The following ACKR2 variants were observed in gnomAD, a reference collection of about 807,000 sequenced individuals.
The protein encoded by ACKR2 is C-C chemokine receptor D6.
For missense variants in ACKR2, 457 were observed against 477.3 expected, an observed-to-expected ratio of 0.96 and a Z score of 0.40; for synonymous variants, 207 against 192.2, an observed-to-expected ratio of 1.08 and a Z score of -0.64.
intron 2 of ACKR2, among the ~76,000 whole-genome samples, chr3:42,825,028 C>G (rs182631862): frequency 6.6e-6 from 1 of 152,094 alleles, no homozygotes; most frequent in East Asian, 1.9e-4. Flanking sequence ...CCATGGATAC[C>G]TGGGTTTATT....
At chr3:42,858,526 A>G (rs1317157639) in intron 2 of ACKR2, among the ~76,000 whole-genome samples, 1 of 152,180 alleles carries the variant, frequency 6.6e-6, no homozygotes, top group East Asian at 1.9e-4. Context: ...AAGGCCACCA[A>G]CATCAAAGAC....
intron 2 of ACKR2, among the ~76,000 whole-genome samples, chr3:42,824,922 C>T (rs1415887028): frequency 3.3e-5 from 5 of 152,188 alleles, no homozygotes; most frequent in African/African-American, 9.6e-5. Context: ...TGCCATTTTA[C>T]ATTCACAGCA....
chr3:42,845,415 G>A (rs938665499), intron 2 of ACKR2, among the ~76,000 whole-genome samples: 18 of 152,142 alleles, frequency 1.2e-4, no homozygotes, highest in Admixed American at 2.6e-4. Flanking sequence ...CTAGGTTGGT[G>A]CAGTGGCATG....
intron 2 of ACKR2, among the ~76,000 whole-genome samples, chr3:42,821,858 G>A (rs1028757383): frequency 6.6e-6 from 1 of 151,920 alleles, no homozygotes; most frequent in Non-Finnish European, 1.5e-5. Flanking sequence ...TACCACGCCC[G>A]GCTAATATTT....
At chr3:42,863,529 T>A (rs926400183) in intron 2 of ACKR2, among the ~76,000 whole-genome samples, 1 of 152,216 alleles carries the variant, frequency 6.6e-6, no homozygotes, top group Non-Finnish European at 1.5e-5. Flanking sequence ...CAAAGGATTA[T>A]TAATCATTCT....
In ACKR2 at chr3:42,828,090, A is replaced by T. The variant is rs1016404598; in HGVS notation, c.-38+8379A>T. Among the ~76,000 whole-genome samples the T allele has an allele frequency of 1.5e-3, 136 of 91,888 alleles. 1 individual carries two copies. Among genetic ancestry groups the T allele is most frequent in the Middle Eastern group, 5.2e-3 (1 of 192 alleles). 60.3% of individuals were successfully genotyped at this position (91,888 alleles called of 152,430 possible). The stretch of plus-strand genomic sequence containing the variant: ...ATGCTTGCATTATATATATATATAT[A>T]TATTTTTTTTTTTTTCTTTTCTTTT... On this transcript the variant is annotated intron_variant, in intron 2 of 2. Coordinates refer to ENST00000422265, the MANE Select transcript of ACKR2 (RefSeq NM_001296.5).
chr3:42,845,179 C>T (rs1302689236), intron 2 of ACKR2, among the ~76,000 whole-genome samples: 1 of 152,194 alleles, frequency 6.6e-6, no homozygotes, highest in African/African-American at 2.4e-5. Context: ...GACTGACCTG[C>T]TTCCCTGCTG....
intron 2 of ACKR2, among the ~76,000 whole-genome samples, chr3:42,854,391 G>C (rs1414464057): frequency 2.6e-5 from 4 of 152,132 alleles, no homozygotes; most frequent in Non-Finnish European, 4.4e-5. Flanking sequence ...GCACACCACT[G>C]GCTTTGAACC....
intron 2 of ACKR2, among the ~76,000 whole-genome samples, chr3:42,836,536 A>G (rs1041438279): frequency 6.6e-6 from 1 of 152,234 alleles, no homozygotes; most frequent in African/African-American, 2.4e-5. Context: ...ATCCAGAGAA[A>G]CAACTCAGAT....
At chr3:42,819,946 A>G (rs758772096) in intron 2 of ACKR2, among the ~76,000 whole-genome samples, 35 of 152,174 alleles carry the variant, frequency 2.3e-4, no homozygotes, top group Admixed American at 3.3e-4. Flanking sequence ...TGGTCTGCTA[A>G]TTCTGTGAGA....
chr3:42,838,802 C>A (rs1701008767), intron 2 of ACKR2, among the ~76,000 whole-genome samples: 2 of 152,130 alleles, frequency 1.3e-5, no homozygotes, highest in African/African-American at 4.8e-5. Flanking sequence ...GGAGACAAAC[C>A]AAATGTCCCT....
At chr3:42,833,707 A>T (rs929395618) in intron 2 of ACKR2, among the ~76,000 whole-genome samples, 2 of 65,438 alleles carry the variant, frequency 3.1e-5, no homozygotes, top group African/African-American at 7.7e-5. Flanking sequence ...GAGATCATTT[A>T]AAAAAAAAAC....
At chr3:42,828,092 A>ATATTTTTTT (rs1193533555) in intron 2 of ACKR2, among the ~76,000 whole-genome samples, 98 of 121,888 alleles carry the variant, frequency 8.0e-4, no homozygotes, top group East Asian at 1.3e-3. Flanking sequence ...ATATATATAT[A>ATATTTTTTT]TTTTTTTTTT....
chr3:42,847,783 G>C (rs76849368), intron 2 of ACKR2, among the ~76,000 whole-genome samples: 3,545 of 152,146 alleles, frequency 0.023, 134 homozygotes, highest in African/African-American at 0.081. Flanking sequence ...GGGGCTACCT[G>C]GCCAGGCTCA....
chr3:42,839,515 A>G (rs960465149), intron 2 of ACKR2, among the ~76,000 whole-genome samples: 2 of 152,188 alleles, frequency 1.3e-5, no homozygotes, highest in Non-Finnish European at 2.9e-5. Flanking sequence ...ATGAACTGCA[A>G]CTGCACGTCA....
At chr3:42,850,564 G>A (rs889382534) in intron 2 of ACKR2, among the ~76,000 whole-genome samples, 1 of 152,160 alleles carries the variant, frequency 6.6e-6, no homozygotes, top group Admixed American at 6.5e-5. Flanking sequence ...GTGTGTCAAG[G>A]GGGCAGTGGG....
intron 2 of ACKR2, among the ~76,000 whole-genome samples, chr3:42,823,973 GCAGTCAAAACC>G (rs1223501837): frequency 6.6e-6 from 1 of 151,560 alleles, no homozygotes; most frequent in African/African-American, 2.4e-5. Context: ...GTGATAGGTT[GCAGTCAAAACC>G]CAGTCAAAAC....
chr3:42,814,755 A>G (rs1700732106), intron 1 of ACKR2, among the ~76,000 whole-genome samples: 1 of 152,204 alleles, frequency 6.6e-6, no homozygotes, highest in South Asian at 2.1e-4. Flanking sequence ...ATAATTTATA[A>G]TCTAAGTAGG....
chr3:42,837,843 C>T (rs1217702327), intron 2 of ACKR2, among the ~76,000 whole-genome samples: 1 of 152,054 alleles, frequency 6.6e-6, no homozygotes, highest in Admixed American at 6.5e-5. Context: ...GGAAATCAGC[C>T]CCCATCTCCC....
Sources: gnomAD v4.1 joint callset for allele counts (sites outside exome capture counted in the v4.1 genomes callset) on GRCh38, gnomAD v4.1.1 for gene constraint, MANE v1.5 for transcripts, NCBI Gene and HGNC (gene_info 2026-07-23, HGNC 2026-07-21) for gene names.